The following GPC5 variants were observed in gnomAD, a reference collection of about 807,000 sequenced individuals.
GPC5 encodes glypican-5.
A neutral mutation model predicts 53.9 loss-of-function variants in GPC5; 47 were observed. The ratio of observed to expected loss-of-function variants is 0.87; its 90% CI spans 0.69 to 1.11. The LOEUF is 1.11. GPC5 is among the 50% of genes most tolerant of loss of function. GPC5 has a pLI of 0.00. For missense variants in GPC5, 748 were observed against 713.1 expected (o/e 1.05, Z -0.56); for synonymous variants, 286 against 263.3 (o/e 1.09, Z -0.84).
chr13:92,478,445 A>G (rs1329517374), intron 7 of GPC5, among the ~76,000 whole-genome samples: 3 of 152,190 alleles, frequency 2.0e-5, no homozygotes, highest in African/African-American at 7.2e-5. Context: ...ATAAACAATA[A>G]CTATTTGATG....
chr13:92,183,522 A>G (rs1248339974), intron 7 of GPC5, among the ~76,000 whole-genome samples: 2 of 152,204 alleles, frequency 1.3e-5, no homozygotes, highest in African/African-American at 2.4e-5. Context: ...TCCTGATTTA[A>G]TTACTAAAAT....
intron 7 of GPC5, among the ~76,000 whole-genome samples, chr13:92,629,978 A>AGATGTT (rs925486123): frequency 1.7e-4 from 26 of 152,334 alleles, no homozygotes; most frequent in African/African-American, 6.0e-4. Context: ...CAGGAGCAGG[A>AGATGTT]GATGTTGACT....
At chr13:92,549,429 TG>T (rs1882233445) in intron 7 of GPC5, among the ~76,000 whole-genome samples, 1 of 152,082 alleles carries the variant, frequency 6.6e-6, no homozygotes, top group Non-Finnish European at 1.5e-5. Context: ...CAAAACAAAT[TG>T]GGGCCTACCT....
chr13:92,678,874 G>T (rs559147154), intron 7 of GPC5, among the ~76,000 whole-genome samples: 6 of 152,124 alleles, frequency 3.9e-5, no homozygotes, highest in Admixed American at 3.9e-4. Context: ...GAGAGAAGTG[G>T]TCATATTTTG....
At chr13:91,438,966 C>A (rs28540075) in intron 1 of GPC5, among the ~76,000 whole-genome samples, 2 of 152,194 alleles carry the variant, frequency 1.3e-5, no homozygotes, top group African/African-American at 4.8e-5. Context: ...GAGCCAGGTG[C>A]GGGATATAAT....
chr13:92,440,850 T>A (rs1310573982), intron 7 of GPC5, among the ~76,000 whole-genome samples: 1 of 152,132 alleles, frequency 6.6e-6, no homozygotes, highest in Non-Finnish European at 1.5e-5. Context: ...ATGATGAGCA[T>A]TTTTTCTTAT....
chr13:91,583,302 A>G (rs1450331959), intron 2 of GPC5, among the ~76,000 whole-genome samples: 1 of 152,228 alleles, frequency 6.6e-6, no homozygotes, highest in Non-Finnish European at 1.5e-5. Flanking sequence ...TATATATTCC[A>G]TGATGTATAT....
intron 7 of GPC5, among the ~76,000 whole-genome samples, chr13:92,745,509 G>A (rs1889219261): frequency 6.6e-6 from 1 of 151,960 alleles, no homozygotes; most frequent in African/African-American, 2.4e-5. Context: ...ATAGATACTT[G>A]GCATTGTTCT....
intron 2 of GPC5, among the ~76,000 whole-genome samples, chr13:91,458,394 G>A (rs191431808): frequency 6.6e-6 from 1 of 152,126 alleles, no homozygotes; most frequent in Admixed American, 6.5e-5. Context: ...ATATTGAATG[G>A]GGAAAACTTG....
intron 7 of GPC5, among the ~76,000 whole-genome samples, chr13:92,673,553 A>C (rs761252333): frequency 6.6e-6 from 1 of 152,048 alleles, no homozygotes; most frequent in Non-Finnish European, 1.5e-5. Context: ...ATGAGCCACC[A>C]CACCCAGCCA....
At chr13:91,749,210 T>C (rs1287697611) in intron 4 of GPC5, among the ~76,000 whole-genome samples, 2 of 152,114 alleles carry the variant, frequency 1.3e-5, no homozygotes, top group Non-Finnish European at 1.5e-5. Flanking sequence ...CTCCAGTGTC[T>C]ATTATTCCAC....
intron 7 of GPC5, among the ~76,000 whole-genome samples, chr13:92,654,187 G>A (rs1279791861): frequency 2.0e-5 from 3 of 152,154 alleles, no homozygotes; most frequent in African/African-American, 7.2e-5. Flanking sequence ...TATTGTGAAT[G>A]AATACCCTTA....
chr13:92,175,364 C>T (rs1393918479), intron 7 of GPC5, among the ~76,000 whole-genome samples: 1 of 152,052 alleles, frequency 6.6e-6, no homozygotes, highest in Non-Finnish European at 1.5e-5. Flanking sequence ...GGGCTTGACA[C>T]CTAATTGGAA....
chr13:92,328,773 C>T lies in GPC5; in HGVS notation c.1561+183784C>T, dbSNP rs149845206. Among the ~76,000 whole-genome samples, 205 of 152,206 alleles carry T rather than the reference C, an allele frequency of 1.3e-3. 1 individual carries two copies. The highest frequency in any genetic ancestry group is 4.5e-3 in the Admixed American group (69 of 15,276). On this transcript the variant is annotated intron_variant, in intron 7 of 7. Transcript: ENST00000377067. The stretch of plus-strand genomic sequence containing the variant: ...TGTTACTTTAGGTTCTGCACCTGTA[C>T]CTATTTCAAATTTTCTGGTCCTTGT...
intron 7 of GPC5, among the ~76,000 whole-genome samples, chr13:92,666,100 A>G (rs2139196291): frequency 6.6e-6 from 1 of 152,332 alleles, no homozygotes; most frequent in Admixed American, 6.5e-5. Context: ...TACATAAAAT[A>G]CCAACCCAAA....
At chr13:91,914,076 TG>T (rs933541305) in intron 6 of GPC5, among the ~76,000 whole-genome samples, 22 of 152,198 alleles carry the variant, frequency 1.4e-4, no homozygotes, top group South Asian at 6.2e-4. Context: ...ATATTATGTT[TG>T]TTTATGGCAA....
At chr13:92,701,882 T>C (rs1887756536) in intron 7 of GPC5, among the ~76,000 whole-genome samples, 2 of 152,140 alleles carry the variant, frequency 1.3e-5, no homozygotes, top group African/African-American at 2.4e-5. Context: ...TAAAAGCTAA[T>C]TCCAGTCTCT....
At chr13:92,339,289 A>T (rs922410204) in intron 7 of GPC5, among the ~76,000 whole-genome samples, 1 of 151,870 alleles carries the variant, frequency 6.6e-6, no homozygotes, top group East Asian at 1.9e-4. Context: ...CTCAGGGCAA[A>T]ATGTTTTATT....
intron 6 of GPC5, among the ~76,000 whole-genome samples, chr13:92,033,433 A>G (rs1199278093): frequency 1.3e-5 from 2 of 152,158 alleles, no homozygotes; most frequent in African/African-American, 2.4e-5. Context: ...TGCTCTTCAC[A>G]AGGAAATTTA....
Sources: gnomAD v4.1 joint callset for allele counts (sites outside exome capture counted in the v4.1 genomes callset) on GRCh38, gnomAD v4.1.1 for gene constraint, MANE v1.5 for transcripts, NCBI Gene and HGNC (gene_info 2026-07-23, HGNC 2026-07-21) for gene names.